Variants in LOC128092252 observed in about 807,000 individuals in gnomAD.
the LOC128092252 span, among the ~76,000 whole-genome samples, chr15:50,679,472 ATT>A: frequency 2.4e-5 from 2 of 84,190 alleles, no homozygotes; most frequent in African/African-American, 5.2e-5. Context: ...GTTTTATTTC[ATT>A]TATATATATA....
At chr15:50,676,825 GA>G in the LOC128092252 span, among the ~76,000 whole-genome samples, 1 of 152,096 alleles carries the variant, frequency 6.6e-6, no homozygotes, top group Admixed American at 6.6e-5. Flanking sequence ...AAAGTGATGG[GA>G]AAGTTTCCGC....
chr15:50,658,945 T>C, the LOC128092252 span, among the ~76,000 whole-genome samples: 1 of 152,206 alleles, frequency 6.6e-6, no homozygotes, highest in Non-Finnish European at 1.5e-5. Flanking sequence ...ACGCCTGTAA[T>C]GCCAGCACTT....
the LOC128092252 span, among the ~76,000 whole-genome samples, chr15:50,684,580 GC>G: frequency 6.6e-6 from 1 of 151,954 alleles, no homozygotes; most frequent in Non-Finnish European, 1.5e-5. Context: ...GGCGGAGGCT[GC>G]AGTCAGCCGA....
chr15:50,667,073 A>G, the LOC128092252 span, among the ~76,000 whole-genome samples: 1 of 151,960 alleles, frequency 6.6e-6, no homozygotes, highest in East Asian at 1.9e-4. Flanking sequence ...CCATAAAGGG[A>G]TGATACTGAG....
At chr15:50,684,215 G>T in the LOC128092252 span, among the ~76,000 whole-genome samples, 1 of 151,330 alleles carries the variant, frequency 6.6e-6, no homozygotes, top group African/African-American at 2.4e-5. Flanking sequence ...TGCAGTGGCA[G>T]GATCTCCGCT....
chr15:50,674,900 G>A, the LOC128092252 span, among the ~76,000 whole-genome samples: 1 of 152,034 alleles, frequency 6.6e-6, no homozygotes, highest in Admixed American at 6.6e-5. Flanking sequence ...CCAAGAGCTG[G>A]AAACCAGAGT....
chr15:50,680,282 T>C, the LOC128092252 span, among the ~76,000 whole-genome samples: 7 of 152,044 alleles, frequency 4.6e-5, no homozygotes, highest in African/African-American at 1.5e-4. Context: ...GACTAATGCG[T>C]GTAATCCCAG....
the LOC128092252 span, among the ~76,000 whole-genome samples, chr15:50,663,302 A>AT: frequency 1.3e-5 from 2 of 152,056 alleles, no homozygotes; most frequent in South Asian, 4.2e-4. Context: ...ATAATTTTGT[A>AT]TTTTTTTAGT....
chr15:50,681,132 T>A, the LOC128092252 span, among the ~76,000 whole-genome samples: 1 of 151,926 alleles, frequency 6.6e-6, no homozygotes, highest in Admixed American at 6.6e-5. Context: ...ATGCCTGTAA[T>A]CCCAGCTACT....
At chr15:50,686,660 G>T in the LOC128092252 span, 1 of 1,364,898 alleles carries the variant, frequency 7.3e-7, no homozygotes, top group Non-Finnish European at 9.9e-7. Context: ...AACGCCCAGG[G>T]AAACCTTCTC....
the LOC128092252 span, among the ~76,000 whole-genome samples, chr15:50,672,898 C>CAAA: frequency 0.031 from 814 of 26,210 alleles, 178 homozygotes; most frequent in Non-Finnish European, 0.036. Flanking sequence ...GACTCTGTCT[C>CAAA]AAAAAAAAAA....
At chr15:50,649,623 T>C in the LOC128092252 span, among the ~76,000 whole-genome samples, 1 of 152,106 alleles carries the variant, frequency 6.6e-6, no homozygotes, top group Non-Finnish European at 1.5e-5. Flanking sequence ...AACCGTGAAC[T>C]AATCTATATA....
At chr15:50,672,545 G>T in the LOC128092252 span, among the ~76,000 whole-genome samples, 5 of 151,964 alleles carry the variant, frequency 3.3e-5, no homozygotes, top group African/African-American at 1.2e-4. Flanking sequence ...GTAGGCCTAG[G>T]CTAACGTGTA....
the LOC128092252 span, among the ~76,000 whole-genome samples, chr15:50,671,421 A>G: frequency 2.6e-5 from 4 of 152,202 alleles, no homozygotes; most frequent in African/African-American, 9.6e-5. Context: ...TCCTTTGTGC[A>G]TACTGTCATG....
At chr15:50,658,114 C>T in the LOC128092252 span, among the ~76,000 whole-genome samples, 2 of 151,748 alleles carry the variant, frequency 1.3e-5, no homozygotes, top group East Asian at 3.9e-4. Context: ...ACACCACTCT[C>T]CTGCCTCAGC....
the LOC128092252 span, chr15:50,657,671 C>T: frequency 1.0e-6 from 1 of 975,060 alleles, no homozygotes. Context: ...AAGTACCCAT[C>T]AAATATAATA....
At chr15:50,666,827 G>A in the LOC128092252 span, among the ~76,000 whole-genome samples, 1,205 of 152,238 alleles carry the variant, frequency 7.9e-3, 21 homozygotes, top group African/African-American at 0.028. Context: ...GGCGGTGGAG[G>A]TGGCAGCACA....
chr15:50,662,097 G>A, the LOC128092252 span, among the ~76,000 whole-genome samples: 4,061 of 152,206 alleles, frequency 0.027, 88 homozygotes, highest in Non-Finnish European at 0.039. Flanking sequence ...GCTCACGCCT[G>A]TAATCCCAGC....
At chr15:50,654,233 G>A in the LOC128092252 span, among the ~76,000 whole-genome samples, 1 of 151,596 alleles carries the variant, frequency 6.6e-6, no homozygotes. Context: ...ATCACCTGAG[G>A]TCAGGAGTTC....
Sources: allele counts gnomAD v4.1 joint callset (sites outside exome capture counted in the v4.1 genomes callset), GRCh38; gene constraint gnomAD v4.1.1; transcripts MANE v1.5.